Variants in CATSPERE observed in about 807,000 individuals in gnomAD.
CATSPERE encodes cation channel sperm-associated auxiliary subunit epsilon.
A neutral mutation model predicts 114.1 loss-of-function variants in CATSPERE; 93 were observed. That is an observed-to-expected ratio of 0.81 (90% CI 0.69 to 0.97). The LOEUF is 0.97. Ranked by LOEUF, CATSPERE falls within the 50% of genes least tolerant of loss-of-function variation. CATSPERE has a pLI of 0.00. For synonymous variants in CATSPERE, 341 were observed against 384.1 expected (o/e 0.89, Z 1.31); for missense variants, 1,058 against 1,131.6 (o/e 0.93, Z 0.93).
At chr1:244,612,206 T>C (rs1670829091) in intron 19 of CATSPERE, among the ~76,000 whole-genome samples, 1 of 152,198 alleles carries the variant, frequency 6.6e-6, no homozygotes. Context: ...CAAAGACTAG[T>C]TATGTCCTCG....
At chr1:244,572,816 TA>T in intron 11 of CATSPERE, 44 bp downstream of exon 11, 1 of 1,279,638 alleles carries the variant, frequency 7.8e-7, no homozygotes, top group South Asian at 1.6e-5. Flanking sequence ...TTAATAAGTA[TA>T]AAAGTATAAT....
chr1:244,635,399 A>G, intron 20 of CATSPERE, 90 bp from the exon 21 acceptor site: 1 of 895,012 alleles, frequency 1.1e-6, no homozygotes, highest in South Asian at 1.5e-5. Context: ...AGGATTATAT[A>G]TGGTTTGATT....
intron 6 of CATSPERE, among the ~76,000 whole-genome samples, chr1:244,492,633 T>A (rs1672404893): frequency 6.6e-6 from 1 of 152,086 alleles, no homozygotes; most frequent in African/African-American, 2.4e-5. Flanking sequence ...GGTATTAAAT[T>A]GGGAAAAGAG....
At chr1:244,621,234 T>TC (rs1558610745) in intron 20 of CATSPERE, among the ~76,000 whole-genome samples, 4 of 79,862 alleles carry the variant, frequency 5.0e-5, no homozygotes, top group Admixed American at 2.0e-4. Context: ...TATAAATATA[T>TC]TTATATAGAT....
Position 244,554,619 on chromosome 1 carries a change from C to T in CATSPERE, c.1029+1805C>T, listed in dbSNP as rs139728553. On this transcript the variant is annotated intron_variant, in intron 9 of 21. Coordinates refer to ENST00000366534, the MANE Select transcript of CATSPERE (RefSeq NM_001130957.2). ...CATTGTGGTTTTGATTTACATTTCC[C>T]TGATGGTTAGTGATGTTAACTGTTT... 2.7e-3 allele frequency among the ~76,000 whole-genome samples: 410 copies of T among 152,266 alleles called. 1 individual carries two copies. The highest frequency in any genetic ancestry group is 9.2e-3 in the African/African-American group (383 of 41,560).
intron 8 of CATSPERE, among the ~76,000 whole-genome samples, chr1:244,530,005 T>C (rs2148414231): frequency 6.6e-6 from 1 of 152,262 alleles, no homozygotes; most frequent in East Asian, 1.9e-4. Flanking sequence ...TGAAGTGCAA[T>C]GGCATGATCT....
chr1:244,493,016 C>T (rs1245083643), intron 6 of CATSPERE, among the ~76,000 whole-genome samples: 2 of 150,978 alleles, frequency 1.3e-5, no homozygotes, highest in Non-Finnish European at 3.0e-5. Flanking sequence ...AATGGCCATA[C>T]TGCCCAAGGT....
intron 7 of CATSPERE, among the ~76,000 whole-genome samples, chr1:244,512,007 T>C (rs1457342526): frequency 6.6e-6 from 1 of 152,214 alleles, no homozygotes; most frequent in African/African-American, 2.4e-5. Context: ...GAAATTCATG[T>C]ACCTTGGAGA....
intron 17 of CATSPERE, among the ~76,000 whole-genome samples, chr1:244,597,400 A>G (rs746135302): frequency 6.6e-6 from 1 of 152,316 alleles, no homozygotes; most frequent in East Asian, 1.9e-4. Flanking sequence ...CTCATTAACA[A>G]GAATTGACAC....
intron 20 of CATSPERE, among the ~76,000 whole-genome samples, chr1:244,630,299 A>G (rs1338074922): frequency 3.9e-5 from 6 of 152,204 alleles, no homozygotes; most frequent in African/African-American, 1.4e-4. Flanking sequence ...CTCCCACATC[A>G]TGTGTACTTT....
chr1:244,478,285 T>C (rs1222452872), intron 4 of CATSPERE, among the ~76,000 whole-genome samples: 1 of 152,214 alleles, frequency 6.6e-6, no homozygotes, highest in Non-Finnish European at 1.5e-5. Flanking sequence ...TCTCCTGTCA[T>C]ACACCCCTGT....
chr1:244,524,574 T>G (rs182995973), intron 8 of CATSPERE, among the ~76,000 whole-genome samples: 18,027 of 151,416 alleles, frequency 0.12, 1,787 homozygotes, highest in African/African-American at 0.27. Context: ...TGAGAAAATT[T>G]TCACAACCTA....
intron 19 of CATSPERE, among the ~76,000 whole-genome samples, chr1:244,616,865 A>G (rs926909417): frequency 6.6e-6 from 1 of 152,214 alleles, no homozygotes; most frequent in African/African-American, 2.4e-5. Context: ...GTTTCCTTCA[A>G]ATGAGAAGCT....
chr1:244,575,710 C>T lies in CATSPERE; in HGVS notation c.1950+2938C>T, dbSNP rs1486604929. On this transcript the variant is annotated intron_variant, in intron 11 of 21. Coordinates refer to ENST00000366534, the MANE Select transcript of CATSPERE (RefSeq NM_001130957.2). The surrounding 1 kb of genome is among the most constrained non-coding windows in gnomAD (Gnocchi z 4.5). ...TCCTCTCTGCTGGTCTTTCCCTTGCCTCTGCCAGCCGCCTACGCTGCTGTT... is the reference window on the plus strand; with the variant it reads ...TCCTCTCTGCTGGTCTTTCCCTTGCTTCTGCCAGCCGCCTACGCTGCTGTT... 6.6e-6 allele frequency among the ~76,000 whole-genome samples: 1 copy of T among 152,066 alleles called. No individual in the cohort carries two copies.
intron 11 of CATSPERE, among the ~76,000 whole-genome samples, chr1:244,580,629 A>C (rs1270392350): frequency 6.6e-6 from 1 of 152,164 alleles, no homozygotes; most frequent in African/African-American, 2.4e-5. Flanking sequence ...GAAGTACCCA[A>C]AGCCCTCCTG....
At chr1:244,582,407 CTTTT>C (rs67153115) in intron 12 of CATSPERE, among the ~76,000 whole-genome samples, 1 of 143,190 alleles carries the variant, frequency 7.0e-6, no homozygotes. Context: ...TTTTCTTTTT[CTTTT>C]TTTTTTTTTA....
intron 9 of CATSPERE, among the ~76,000 whole-genome samples, chr1:244,553,153 G>T (rs532395773): frequency 6.6e-6 from 1 of 152,280 alleles, no homozygotes; most frequent in South Asian, 2.1e-4. Flanking sequence ...TTTGTTACCT[G>T]CATAGAAAGT....
In CATSPERE at chr1:244,628,432, T is replaced by G. The variant is rs143189132; in HGVS notation, c.2649-7057T>G. ...GCAAGCATTCGAGTAGCTGGGGAAA[T>G]AGGCTAACCATATGGTGCTCAGGTG... On this transcript the variant is annotated intron_variant, in intron 20 of 21. Transcript: ENST00000366534. 9.5e-3 allele frequency among the ~76,000 whole-genome samples: 1,449 copies of G among 152,278 alleles called. 6 individuals are homozygous for G. The highest frequency in any genetic ancestry group is 0.037 in the Middle Eastern group (11 of 294).
At chr1:244,451,892 C>A, upstream of CATSPERE, 1 of 1,382,596 alleles carries the variant, frequency 7.2e-7, no homozygotes, top group South Asian at 1.5e-5. The surrounding 1 kb of genome is among the most constrained non-coding windows in gnomAD (Gnocchi z 6.6). Context: ...GCTCTGCGGC[C>A]GCCAGCCACA....
Sources: gnomAD v4.1 joint callset for allele counts (sites outside exome capture counted in the v4.1 genomes callset) on GRCh38, gnomAD v4.1.1 for gene constraint, Gnocchi (gnomAD v3.1) non-coding constraint, MANE v1.5 for transcripts, NCBI Gene and HGNC (gene_info 2026-07-23, HGNC 2026-07-21) for gene names.